The following SEMA3A variants were observed in gnomAD, a reference collection of about 807,000 sequenced individuals.
SEMA3A encodes the protein semaphorin 3A, also known as semaphorin-3A.
In SEMA3A, 29 loss-of-function variants were observed where a neutral mutation model predicts 97.9. The ratio of observed to expected loss-of-function variants is 0.30; its 90% CI spans 0.22 to 0.40. The LOEUF is 0.40. Among genes scored for constraint, SEMA3A ranks in the 10% least tolerant of loss-of-function variants. SEMA3A has a pLI of 1.00. For synonymous variants in SEMA3A, 321 were observed against 323.7 expected (o/e 0.99, Z 0.09); for missense variants, 763 against 951.3 (o/e 0.80, Z 2.60).
intron 2 of SEMA3A, among the ~76,000 whole-genome samples, chr7:84,360,575 A>C (rs1802692227): frequency 6.6e-6 from 1 of 152,090 alleles, no homozygotes; most frequent in African/African-American, 2.4e-5. Context: ...AAGGTGTTAC[A>C]TTTAAGCAGA....
intron 2 of SEMA3A, among the ~76,000 whole-genome samples, chr7:84,308,649 G>A (rs2115853833): frequency 6.6e-6 from 1 of 152,220 alleles, no homozygotes; most frequent in East Asian, 1.9e-4. Flanking sequence ...ACTTCTCTAA[G>A]GGGTAGTAGC....
chr7:84,217,100 G>T (rs1798769913), intron 3 of SEMA3A, among the ~76,000 whole-genome samples: 1 of 152,172 alleles, frequency 6.6e-6, no homozygotes, highest in African/African-American at 2.4e-5. Context: ...ATTGCAAAAA[G>T]ATTGGCACAG....
intron 4 of SEMA3A, among the ~76,000 whole-genome samples, chr7:84,101,420 C>A (rs1033145969): frequency 1.3e-5 from 2 of 152,024 alleles, no homozygotes; most frequent in Admixed American, 6.6e-5. Context: ...TGAATGTCAA[C>A]TGACATTATG....
At chr7:84,211,408 C>T (rs933806555) in intron 3 of SEMA3A, among the ~76,000 whole-genome samples, 5 of 150,840 alleles carry the variant, frequency 3.3e-5, no homozygotes, top group African/African-American at 1.2e-4. Flanking sequence ...GTCAGGAGTT[C>T]GAGACCAGCC....
chr7:84,475,460 G>A (rs768381777), intron 1 of SEMA3A, among the ~76,000 whole-genome samples: 4 of 152,208 alleles, frequency 2.6e-5, no homozygotes, highest in Non-Finnish European at 5.9e-5. Flanking sequence ...AAAATCTCAA[G>A]TGAGAAAAGC....
intron 6 of SEMA3A, among the ~76,000 whole-genome samples, chr7:84,038,750 CTAAT>C (rs1792031653): frequency 6.6e-6 from 1 of 151,948 alleles, no homozygotes; most frequent in Admixed American, 6.6e-5. Context: ...GAGAATTAAC[CTAAT>C]TGTTTATTTA....
chr7:84,169,921 T>G (rs1797334500), intron 1 of SEMA3A, among the ~76,000 whole-genome samples: 1 of 151,814 alleles, frequency 6.6e-6, no homozygotes, highest in African/African-American at 2.4e-5. Context: ...GCTTCATACT[T>G]AACAAATATT....
chr7:84,209,952 T>A (rs997357936), intron 3 of SEMA3A, among the ~76,000 whole-genome samples: 2 of 152,218 alleles, frequency 1.3e-5, no homozygotes, highest in African/African-American at 4.8e-5. Flanking sequence ...ATTCTTATTA[T>A]TTTGGGAAGA....
intron 3 of SEMA3A, among the ~76,000 whole-genome samples, chr7:84,292,529 TAAGAG>T (rs1314556245): frequency 6.6e-6 from 1 of 151,950 alleles, no homozygotes; most frequent in Non-Finnish European, 1.5e-5. Flanking sequence ...TCAAAACATG[TAAGAG>T]AAGAGCCTTT....
intron 1 of SEMA3A, among the ~76,000 whole-genome samples, chr7:84,418,941 C>A (rs1442877822): frequency 1.3e-5 from 2 of 150,124 alleles, no homozygotes; most frequent in African/African-American, 4.9e-5. Context: ...ATACATATAT[C>A]TACACATATA....
chr7:84,272,894 G>T (rs1800187954), intron 3 of SEMA3A, among the ~76,000 whole-genome samples: 1 of 151,892 alleles, frequency 6.6e-6, no homozygotes, highest in African/African-American at 2.4e-5. Flanking sequence ...ATTTACAATG[G>T]TATATTTTAT....
intron 1 of SEMA3A, among the ~76,000 whole-genome samples, chr7:84,395,359 A>G (rs201344081): frequency 1.5e-5 from 1 of 65,772 alleles, no homozygotes; most frequent in African/African-American, 1.3e-4. Flanking sequence ...AACCCATAGG[A>G]AAAAAAAAAA....
At chr7:84,130,378 A>G (rs1457232578) in intron 2 of SEMA3A, among the ~76,000 whole-genome samples, 1 of 152,142 alleles carries the variant, frequency 6.6e-6, no homozygotes, top group Non-Finnish European at 1.5e-5. Context: ...GTAGTGTATG[A>G]TGACTTGATA....
chr7:84,337,827 T>C (rs1193561098), intron 2 of SEMA3A, among the ~76,000 whole-genome samples: 1 of 152,008 alleles, frequency 6.6e-6, no homozygotes, highest in African/African-American at 2.4e-5. Flanking sequence ...CCCAAAGCAT[T>C]CTCAAAGAAA....
Position 84,424,604 on chromosome 7 carries a change from TA to T in SEMA3A, c.-245-52705del, listed in dbSNP as rs1480016567. Reference sequence around the variant, plus strand: ...TATATTATATATAATATATAAATATTAATATATAATATAATATATAATATAT... The same window carrying T: ...TATATTATATATAATATATAAATATTATATATAATATAATATATAATATAT... On this transcript the variant is annotated intron_variant, in intron 1 of 3. Coordinates refer to the SEMA3A transcript ENST00000424555. Among the ~76,000 whole-genome samples, 14 of 46,608 alleles carry T rather than the reference TA, an allele frequency of 3.0e-4. 1 individual carries two copies. Among genetic ancestry groups the T allele is most frequent in the Non-Finnish European group, 2.5e-4 (8 of 31,788 alleles). 30.6% of individuals were successfully genotyped at this position (46,608 alleles called of 152,430 possible).
intron 1 of SEMA3A, among the ~76,000 whole-genome samples, chr7:84,457,195 G>A (rs1008349583): frequency 1.3e-5 from 2 of 151,618 alleles, no homozygotes; most frequent in African/African-American, 4.8e-5. Context: ...AGGAAAAATG[G>A]CAATTTTCTA....
chr7:84,309,596 A>G (rs1188885847), intron 2 of SEMA3A, among the ~76,000 whole-genome samples: 1 of 152,040 alleles, frequency 6.6e-6, no homozygotes, highest in East Asian at 1.9e-4. Context: ...TTCTCCCTTG[A>G]CCCTAATCAG....
chr7:84,116,312 C>T (rs1795428877), intron 3 of SEMA3A, among the ~76,000 whole-genome samples: 1 of 152,144 alleles, frequency 6.6e-6, no homozygotes, highest in Non-Finnish European at 1.5e-5. Context: ...GTGCCTGTGG[C>T]ATATTTCACA....
At chr7:84,230,496 T>A (rs1799093521) in intron 3 of SEMA3A, among the ~76,000 whole-genome samples, 1 of 152,016 alleles carries the variant, frequency 6.6e-6, no homozygotes, top group Admixed American at 6.6e-5. Context: ...AAAGCACTCC[T>A]CTTTTATTGG....
Sources: gnomAD v4.1 joint callset for allele counts (sites outside exome capture counted in the v4.1 genomes callset) on GRCh38, gnomAD v4.1.1 for gene constraint, MANE v1.5 for transcripts, NCBI Gene and HGNC (gene_info 2026-07-23, HGNC 2026-07-21) for gene names.